EPHA6: variants seen among roughly 807,000 people sequenced by gnomAD.
The protein encoded by EPHA6 is ephrin type-A receptor 6.
Under a neutral mutation model 112.0 loss-of-function variants are expected in EPHA6, and 50 were observed. The ratio of observed to expected loss-of-function variants is 0.45; its 90% confidence interval spans 0.36 to 0.56. The LOEUF (loss-of-function observed/expected upper bound fraction) is 0.56, where lower values mean the gene tolerates loss of function less well. EPHA6 is among the 20% of genes least tolerant of loss of function. The pLI, the probability that EPHA6 is intolerant of heterozygous loss-of-function variation, is 0.00. For synonymous variants in EPHA6, 529 were observed against 490.7 expected (o/e 1.08, Z -1.03); for missense variants, 1,280 against 1,417.4 (o/e 0.90, Z 1.56).
chr3:97,682,767 A>G (rs997863447), intron 14 of EPHA6, among the ~76,000 whole-genome samples: 28 of 152,186 alleles, frequency 1.8e-4, no homozygotes, highest in African/African-American at 6.8e-4. Flanking sequence ...GCACTGAAAA[A>G]CTAGCTAAGA....
intron 13 of EPHA6, among the ~76,000 whole-genome samples, chr3:97,614,833 G>T (rs1017740045): frequency 6.6e-6 from 1 of 152,092 alleles, no homozygotes; most frequent in Non-Finnish European, 1.5e-5. Flanking sequence ...GGAAGGTGGT[G>T]CTATCAATTG....
chr3:97,675,043 G>A (rs557389478), intron 14 of EPHA6, among the ~76,000 whole-genome samples: 1 of 152,260 alleles, frequency 6.6e-6, no homozygotes, highest in South Asian at 2.1e-4. Flanking sequence ...TGCTTTGCGG[G>A]AAACAAACTA....
At chr3:96,959,800 A>G (rs370435715) in intron 2 of EPHA6, among the ~76,000 whole-genome samples, 45 of 151,944 alleles carry the variant, frequency 3.0e-4, no homozygotes, top group African/African-American at 9.2e-4. Flanking sequence ...CGAAACATAG[A>G]AAAAGACAAA....
intron 13 of EPHA6, among the ~76,000 whole-genome samples, chr3:97,611,102 A>ATG (rs902210168): frequency 6.6e-5 from 10 of 151,494 alleles, no homozygotes; most frequent in Admixed American, 5.3e-4. Flanking sequence ...GTGTATATAT[A>ATG]TGTGTGTGTG....
chr3:97,695,511 A>G (rs982253884), intron 14 of EPHA6, among the ~76,000 whole-genome samples: 1 of 152,202 alleles, frequency 6.6e-6, no homozygotes, highest in African/African-American at 2.4e-5. Flanking sequence ...TTGTAAGACC[A>G]CCGGTTATGC....
chr3:96,995,226 CTG>C (rs2043376963), intron 3 of EPHA6, among the ~76,000 whole-genome samples: 2 of 151,900 alleles, frequency 1.3e-5, no homozygotes, highest in African/African-American at 4.8e-5. Context: ...TCAGAGATGA[CTG>C]TGCAAGCAGA....
At chr3:97,034,448 T>G (rs1331307177) in intron 3 of EPHA6, among the ~76,000 whole-genome samples, 1 of 151,914 alleles carries the variant, frequency 6.6e-6, no homozygotes, top group Admixed American at 6.6e-5. Flanking sequence ...TATAATTCTT[T>G]TACTGTCCAT....
At chr3:97,378,324 G>T (rs1470528660) in intron 5 of EPHA6, among the ~76,000 whole-genome samples, 2 of 152,212 alleles carry the variant, frequency 1.3e-5, no homozygotes, top group Admixed American at 1.3e-4. Flanking sequence ...CTAGATTTAA[G>T]AAAATATATG....
chr3:97,721,534 G>A (rs1242045116), intron 15 of EPHA6, among the ~76,000 whole-genome samples: 4 of 152,172 alleles, frequency 2.6e-5, no homozygotes, highest in African/African-American at 9.7e-5. Context: ...AGTTAACGTA[G>A]CAGCAGGTTT....
At chr3:97,627,812 T>A (rs1355066100) in intron 13 of EPHA6, among the ~76,000 whole-genome samples, 1 of 151,948 alleles carries the variant, frequency 6.6e-6, no homozygotes, top group Non-Finnish European at 1.5e-5. Context: ...TATAATAATT[T>A]AAATTTGAAG....
chr3:97,206,437 T>A (rs1329932314), intron 3 of EPHA6, among the ~76,000 whole-genome samples: 2 of 152,102 alleles, frequency 1.3e-5, no homozygotes, highest in Non-Finnish European at 2.9e-5. Flanking sequence ...TCCATCTTTA[T>A]ACCATTCACT....
chr3:97,357,663 A>T (rs1200569152), intron 5 of EPHA6, among the ~76,000 whole-genome samples: 1 of 152,146 alleles, frequency 6.6e-6, no homozygotes, highest in Non-Finnish European at 1.5e-5. Context: ...TGCAGTTGAA[A>T]ATTTGTGTAT....
chr3:97,333,804 T>A (rs1392802488), intron 5 of EPHA6, among the ~76,000 whole-genome samples: 1 of 152,018 alleles, frequency 6.6e-6, no homozygotes, highest in Non-Finnish European at 1.5e-5. Flanking sequence ...TACCTCTTTT[T>A]TTGCTCATTG....
intron 10 of EPHA6, among the ~76,000 whole-genome samples, chr3:97,491,014 A>T (rs28625270): frequency 0.068 from 10,381 of 152,240 alleles, 1,106 homozygotes; most frequent in African/African-American, 0.23. Flanking sequence ...CCATGTGGGC[A>T]TCTCCAACGT....
chr3:96,857,825 T>C (rs889560986), intron 1 of EPHA6, among the ~76,000 whole-genome samples: 1 of 152,094 alleles, frequency 6.6e-6, no homozygotes, highest in Non-Finnish European at 1.5e-5. Context: ...GATTAGAAAA[T>C]AAGATTTTCA....
intron 10 of EPHA6, among the ~76,000 whole-genome samples, chr3:97,499,456 A>G (rs929016495): frequency 2.6e-5 from 4 of 152,172 alleles, no homozygotes; most frequent in African/African-American, 9.7e-5. Flanking sequence ...TCAAATTATT[A>G]TACAGTCTTG....
chr3:96,827,707 G>T (rs2033756954), intron 1 of EPHA6, among the ~76,000 whole-genome samples: 1 of 152,060 alleles, frequency 6.6e-6, no homozygotes, highest in Non-Finnish European at 1.5e-5. Context: ...TATAAAATGG[G>T]AGAATTGGAA....
chr3:97,324,194 C>A, intron 5 of EPHA6, among the ~76,000 whole-genome samples: 1 of 151,920 alleles, frequency 6.6e-6, no homozygotes, highest in East Asian at 1.9e-4. Flanking sequence ...TCAAAGATTC[C>A]TGCTTAACAG....
intron 13 of EPHA6, among the ~76,000 whole-genome samples, chr3:97,635,395 A>G (rs2093936820): frequency 6.6e-6 from 1 of 152,130 alleles, no homozygotes; most frequent in South Asian, 2.1e-4. Context: ...AACTTGCATA[A>G]TAGCCAAAAA....
Sources: allele counts gnomAD v4.1 joint callset (sites outside exome capture counted in the v4.1 genomes callset), GRCh38; gene constraint gnomAD v4.1.1; transcripts MANE v1.5; gene names NCBI Gene and HGNC (gene_info 2026-07-23, HGNC 2026-07-21).